The following GRID2 variants were observed in gnomAD, a reference collection of about 807,000 sequenced individuals.
The protein encoded by GRID2 is glutamate receptor ionotropic, delta-2.
GRID2 carries 33 observed loss-of-function variants against 114.8 expected under a neutral mutation model. The observed-to-expected ratio is 0.29, with a 90% CI of 0.22 to 0.38. GRID2 has a LOEUF of 0.38. GRID2 is among the 10% of genes least tolerant of loss of function. The pLI, the probability that GRID2 is intolerant of heterozygous loss-of-function variation, is 1.00. For missense variants in GRID2, 1,184 were observed against 1,257.7 expected (o/e 0.94, Z 0.89); for synonymous variants, 505 against 449.9 (o/e 1.12, Z -1.55).
intron 1 of GRID2, among the ~76,000 whole-genome samples, chr4:92,513,381 A>G (rs1047612445): frequency 3.3e-5 from 5 of 151,832 alleles, no homozygotes; most frequent in East Asian, 3.9e-4. Context: ...TGGGAACTCT[A>G]TGCACATTGA....
intron 2 of GRID2, among the ~76,000 whole-genome samples, chr4:92,654,235 T>A (rs911097274): frequency 3.9e-5 from 6 of 151,980 alleles, no homozygotes; most frequent in African/African-American, 1.2e-4. Flanking sequence ...GACTCTCCTA[T>A]CCTCACATGG....
intron 2 of GRID2, chr4:92,822,957 TGC>T (rs1284379388): frequency 6.6e-6 from 1 of 152,036 alleles, no homozygotes; most frequent in East Asian, 1.9e-4. Flanking sequence ...GCAACGAGGA[TGC>T]CACTCAGAGA....
At chr4:93,161,467 A>G (rs1737678341) in intron 4 of GRID2, among the ~76,000 whole-genome samples, 1 of 151,868 alleles carries the variant, frequency 6.6e-6, no homozygotes, top group Non-Finnish European at 1.5e-5. Context: ...TGAGCTTCTA[A>G]TTCCCACATC....
intron 11 of GRID2, among the ~76,000 whole-genome samples, chr4:93,479,825 C>A (rs1725678989): frequency 6.6e-6 from 1 of 152,066 alleles, no homozygotes; most frequent in South Asian, 2.1e-4. Context: ...CTCTGGAAGC[C>A]CCCACTGATA....
intron 1 of GRID2, among the ~76,000 whole-genome samples, chr4:92,410,171 T>A (rs1731227355): frequency 6.6e-6 from 1 of 152,196 alleles, no homozygotes; most frequent in Non-Finnish European, 1.5e-5. Context: ...GGAAGCATCT[T>A]CTATCTGTCC....
intron 1 of GRID2, among the ~76,000 whole-genome samples, chr4:92,388,942 G>T (rs764729367): frequency 6.6e-6 from 1 of 151,966 alleles, no homozygotes; most frequent in African/African-American, 2.4e-5. Context: ...ATTATATACC[G>T]CATTCTCTTT....
chr4:93,646,077 C>G (rs1560855992), intron 14 of GRID2, among the ~76,000 whole-genome samples: 1 of 152,040 alleles, frequency 6.6e-6, no homozygotes, highest in Non-Finnish European at 1.5e-5. Context: ...TTTGATTTAT[C>G]TAGAGATAAA....
At chr4:93,668,770 A>T (rs1333387825) in intron 14 of GRID2, among the ~76,000 whole-genome samples, 1 of 152,100 alleles carries the variant, frequency 6.6e-6, no homozygotes, top group Non-Finnish European at 1.5e-5. Flanking sequence ...TTTAAAGCAG[A>T]GAGTTTTGAA....
intron 14 of GRID2, among the ~76,000 whole-genome samples, chr4:93,672,782 C>A (rs1315020826): frequency 6.6e-6 from 1 of 152,160 alleles, no homozygotes; most frequent in Non-Finnish European, 1.5e-5. Flanking sequence ...ATCTTTTATA[C>A]CAGGACAGTG....
chr4:93,722,992 T>C (rs973636269), intron 14 of GRID2, among the ~76,000 whole-genome samples: 1 of 152,228 alleles, frequency 6.6e-6, no homozygotes, highest in Non-Finnish European at 1.5e-5. Context: ...GGTACAGTGG[T>C]AAGTGGTGTT....
Position 92,414,638 on chromosome 4 carries a change from A to T in GRID2, c.88+109894A>T, listed in dbSNP as rs181524737. Reference sequence around the variant, plus strand: ...TACAAAGGCAAACATATGGTTGTGGACAGTGAGCCTAGAAAGTAACACCTC... The same window carrying T: ...TACAAAGGCAAACATATGGTTGTGGTCAGTGAGCCTAGAAAGTAACACCTC... On this transcript the variant is annotated intron_variant, in intron 1 of 15. Coordinates refer to ENST00000282020, the MANE Select transcript of GRID2 (RefSeq NM_001510.4). Among the ~76,000 whole-genome samples the T allele has an allele frequency of 8.0e-4, 122 of 152,276 alleles. 2 individuals carry two copies. Among genetic ancestry groups the T allele is most frequent in the Admixed American group, 7.3e-3 (112 of 15,266 alleles).
intron 2 of GRID2, among the ~76,000 whole-genome samples, chr4:92,662,705 T>C (rs1732581079): frequency 1.3e-5 from 2 of 151,142 alleles, no homozygotes; most frequent in South Asian, 4.1e-4. Flanking sequence ...AGAGGAGAGA[T>C]GAATTTATGG....
chr4:93,699,818 T>G (rs1410223517), intron 14 of GRID2, among the ~76,000 whole-genome samples: 10 of 152,302 alleles, frequency 6.6e-5, no homozygotes, highest in Non-Finnish European at 7.4e-5. Flanking sequence ...TTAGATGATA[T>G]TCCAACTTTC....
At chr4:93,756,139 C>T (rs1280127558) in intron 14 of GRID2, among the ~76,000 whole-genome samples, 2 of 152,114 alleles carry the variant, frequency 1.3e-5, no homozygotes, top group South Asian at 4.1e-4. Context: ...TTAAAAACAT[C>T]TTACTTATTA....
At position 93,587,088 on chromosome 4, in the gene GRID2, A is replaced by T. The variant is rs1323164300; in HGVS notation, c.2194-39181A>T. On this transcript the variant is annotated intron_variant, in intron 13 of 15. Coordinates refer to ENST00000282020, the MANE Select transcript of GRID2 (RefSeq NM_001510.4). ...GACTTAGATCTCTTCTCCTCTATGA[A>T]GTTTCTTTCTGTCTATCATTTCTCT... Among the ~76,000 whole-genome samples, 4 of 152,108 alleles carry T rather than the reference A, an allele frequency of 2.6e-5. No individual in the cohort carries two copies. The East Asian group carries it at 7.7e-4, about 29-fold the overall frequency.
rs1017061717 is a variant in GRID2 at position 93,236,691 on chromosome 4, G to A, written c.1126-1680G>A. On this transcript the variant is annotated intron_variant, in intron 7 of 15. Transcript: ENST00000282020. ...CAGTTGCTGCCCTATACACACACCA[G>A]TGAAAGGAGTGAATACATCCTAGAC... 3.3e-5 allele frequency among the ~76,000 whole-genome samples: 5 copies of A among 152,112 alleles called. No individual in the cohort carries two copies. The East Asian group carries it at 5.8e-4, about 18-fold the overall frequency.
At chr4:93,398,767 C>G (rs1312143949) in intron 9 of GRID2, among the ~76,000 whole-genome samples, 18 of 92,130 alleles carry the variant, frequency 2.0e-4, no homozygotes, top group African/African-American at 7.4e-4. Flanking sequence ...TTTTTTTTTT[C>G]AAGTCTTCTA....
At chr4:92,358,528 A>G (rs183302731) in intron 1 of GRID2, among the ~76,000 whole-genome samples, 1 of 151,968 alleles carries the variant, frequency 6.6e-6, no homozygotes, top group East Asian at 1.9e-4. Flanking sequence ...AGAAATGGGA[A>G]GAAAGTTTAG....
At chr4:92,718,728 C>T (rs190713142) in intron 2 of GRID2, among the ~76,000 whole-genome samples, 2 of 138,038 alleles carry the variant, frequency 1.4e-5, no homozygotes, top group Admixed American at 1.7e-4. Context: ...GCACCACTGC[C>T]CTTCAGCCTA....
Sources: gnomAD v4.1 joint callset for allele counts (sites outside exome capture counted in the v4.1 genomes callset) on GRCh38, gnomAD v4.1.1 for gene constraint, MANE v1.5 for transcripts, NCBI Gene and HGNC (gene_info 2026-07-23, HGNC 2026-07-21) for gene names.